The following NOTCH1 variants were observed in gnomAD, a reference collection of about 807,000 sequenced individuals.
NOTCH1 encodes the protein notch receptor 1.
NOTCH1 carries 37 observed loss-of-function variants against 254.8 expected under a neutral mutation model. That is an observed-to-expected ratio of 0.15 (90% CI 0.11 to 0.19). The LOEUF is 0.19. NOTCH1 is among the 10% of genes least tolerant of loss of function. The pLI, the probability that NOTCH1 is intolerant of heterozygous loss-of-function variation, is 1.00. For missense variants in NOTCH1, 2,972 were observed against 3,708.6 expected (o/e 0.80, Z 5.16); for synonymous variants, 1,731 against 1,618.1 (o/e 1.07, Z -1.68).
intron 4 of NOTCH1, 100 bp from the exon 5 acceptor site, chr9:136,519,665 A>T (rs1843336077): frequency 6.3e-7 from 1 of 1,584,972 alleles, no homozygotes; most frequent in Non-Finnish European, 8.6e-7. Flanking sequence ...CCTGGCCTCC[A>T]CGGCCCTGCC....
rs777859108 is a variant in NOTCH1, at chr9:136,502,384, G to A, written c.5272C>T (p.Arg1758Cys). 6.2e-6 allele frequency: 10 copies of A among 1,612,224 alleles called. No homozygotes were observed. Among genetic ancestry groups the A allele is most frequent in the South Asian group, 1.1e-5 (1 of 91,066 alleles). Residue 1758 changes from arginine to cysteine, a missense_variant, in exon 28 of 34, where the codon CGC becomes TGC. Around this residue, in one of 8 missense-constraint regions of NOTCH1, gnomAD observed 421 missense variants for 604.4 expected, o/e 0.70. Transcript: ENST00000651671. ...FFVGCGVLLSRKRRRQHGQLW... is the reference protein window; with the variant it reads ...FFVGCGVLLSCKRRRQHGQLW... Reference sequence around the variant, plus strand: ...TGGCCATGCTGCCGCCGGCGCTTGCGGGACAGCAGCACCCCGCAGCCCACG... The same window carrying A: ...TGGCCATGCTGCCGCCGGCGCTTGCAGGACAGCAGCACCCCGCAGCCCACG...
At chr9:136,507,567 C>G (rs776722939) in intron 21 of NOTCH1, 130 bp from the exon 22 acceptor site, 2 of 1,316,450 alleles carry the variant, frequency 1.5e-6, no homozygotes, top group Non-Finnish European at 1.1e-6. Flanking sequence ...ACGGGCCCCT[C>G]GCTCCTGTCA....
rs928692454 is a variant in NOTCH1 at position 136,509,156 on chromosome 9, C to T, written c.2970-85G>A. ...CAGATTCTGCCTCGCCAGCACCTCC[C>T]CTTCTGCTCAACCCTAGGGGCCTGA... On this transcript the variant is annotated intron_variant, in intron 18 of 33. Coordinates refer to ENST00000651671, the MANE Select transcript of NOTCH1 (RefSeq NM_017617.5). 2.0e-5 allele frequency: 26 copies of T among 1,317,518 alleles called. No individual in the cohort carries two copies. In the Admixed American group the frequency reaches 3.6e-4, roughly 18 times the overall value. The allele number at this position is 1,317,518 out of a possible 1,614,324, so 81.6% of individuals were successfully genotyped here. A position where few individuals can be genotyped will look rare whatever the true frequency, so the allele number is the denominator to read the frequency against.
rs760908627 is a variant in NOTCH1, at chr9:136,508,980, C to T, written c.3061G>A (p.Asp1021Asn). The change falls in exon 19 of 34, where the codon GAT (aspartate) becomes AAT (asparagine). Residue 1021 changes from aspartate to asparagine, a missense_variant. Coordinates refer to ENST00000651671, the MANE Select transcript of NOTCH1 (RefSeq NM_017617.5). ...PGFTGSYCQH[D>N]VNECDSQPCL... ...GGCTGTGAGTCGCACTCATTGACAT[C>T]GTGCTGGCAGTAGCTGCCCGTGAAG... 2.5e-5 allele frequency: 39 copies of T among 1,557,614 alleles called. No individual in the cohort carries two copies. The highest frequency in any genetic ancestry group is 1.9e-4 in the Middle Eastern group (1 of 5,158).
At chr9:136,532,253 T>C (rs1843573621) in intron 2 of NOTCH1, among the ~76,000 whole-genome samples, 2 of 152,104 alleles carry the variant, frequency 1.3e-5, no homozygotes, top group Non-Finnish European at 2.9e-5. Context: ...GTGGGGAAAG[T>C]TGGGGATTCT....
Position 136,516,112 on chromosome 9 carries a change from A to T in NOTCH1, c.1556-18T>A. On this transcript the variant is annotated intron_variant, in intron 9 of 33. Coordinates refer to ENST00000651671, the MANE Select transcript of NOTCH1 (RefSeq NM_017617.5). ...AGTGAAGCCTGGGGCCGGGGAGGGG[A>T]GGGGAGGGAGTCATGTGCAACAGCA... 81 of 1,516,940 alleles carry T rather than the reference A, an allele frequency of 5.3e-5. No individual in the cohort carries two copies. Among genetic ancestry groups the T allele is most frequent in the Non-Finnish European group, 7.0e-5 (77 of 1,097,782 alleles). The allele number at this position is 1,516,940 out of a possible 1,614,324, so 94.0% of individuals were successfully genotyped here.
intron 22 of NOTCH1, 150 bp downstream of exon 22, chr9:136,507,155 T>G (rs1230291422): frequency 5.4e-6 from 8 of 1,484,540 alleles, no homozygotes; most frequent in Non-Finnish European, 6.5e-6. Flanking sequence ...GCCCTTTCCC[T>G]GGGCAGCTGT....
intron 8 of NOTCH1, 127 bp downstream of exon 8, chr9:136,517,625 C>T: frequency 1.6e-6 from 2 of 1,216,850 alleles, no homozygotes; most frequent in Non-Finnish European, 2.3e-6. Context: ...ATGCCCTGTG[C>T]AGGCTGTGGG....
Position 136,501,736 on chromosome 9 carries a change from T to G in NOTCH1, c.5638+12A>C. 1 of 1,610,360 alleles carries G rather than the reference T, an allele frequency of 6.2e-7. No individual in the cohort carries two copies. Among genetic ancestry groups the G allele is most frequent in the South Asian group, 1.1e-5 (1 of 91,012 alleles). On this transcript the variant is annotated intron_variant, in intron 30 of 33. Coordinates refer to ENST00000651671, the MANE Select transcript of NOTCH1 (RefSeq NM_017617.5). ...ACGGGGCTAGGGAAGCCCTGGCTGCTGGCACCCTTACCAGGCCCGCGGACA... is the reference window on the plus strand; with the variant it reads ...ACGGGGCTAGGGAAGCCCTGGCTGCGGGCACCCTTACCAGGCCCGCGGACA...
chr9:136,508,240 T>A lies in NOTCH1; in HGVS notation c.3317A>T (p.Gln1106Leu). Residue 1106 changes from glutamine to leucine, a missense_variant, in exon 20 of 34, where the codon CAG becomes CTG. By Grantham distance (113) the Gln-to-Leu change is moderately radical. Transcript: ENST00000651671. ...VPSVSCEVAA[Q>L]RQGVDVARLC... ...TGGGCACAGCAGGTTACCTTGTCGC[T>A]GCGCAGCCACCTCACAGGACACGCT... The A allele has an allele frequency of 3.7e-6, 6 of 1,611,648 alleles. No individual in the cohort carries two copies. Among genetic ancestry groups the A allele is most frequent in the Non-Finnish European group, 5.1e-6 (6 of 1,179,394 alleles).
rs771142030 is a variant in NOTCH1, at chr9:136,496,791, G to T, written c.6948C>A (p.Ser2316Arg). ...GGTTGTATTGGTTCGGCACCATGCC[G>T]CTCTGCAGCCGGGACAGCCACTCGC... ...GQCEWLSRLQSGMVPNQYNPL... is the reference protein window; with the variant it reads ...GQCEWLSRLQRGMVPNQYNPL... The change falls in exon 34 of 34, where the codon AGC (serine) becomes AGA (arginine). Residue 2316 changes from serine (S) to arginine (R), a missense_variant. Around this residue, in one of 8 missense-constraint regions of NOTCH1, gnomAD observed 529 missense variants for 529.2 expected, o/e 1.00. Coordinates refer to ENST00000651671, the MANE Select transcript of NOTCH1 (RefSeq NM_017617.5). The T allele has an allele frequency of 6.2e-7, 1 of 1,612,882 alleles. No individual in the cohort carries two copies. Among genetic ancestry groups the T allele is most frequent in the Non-Finnish European group, 8.5e-7 (1 of 1,180,000 alleles).
Position 136,515,676 on chromosome 9 carries a change from G to A in NOTCH1, c.1710C>T (p.Cys570=), listed in dbSNP as rs762590262. 1.9e-5 allele frequency: 30 copies of A among 1,560,596 alleles called. No homozygotes were observed. The Admixed American group carries it at 2.1e-4, about 11-fold the overall frequency. The part of the protein sequence containing the change: ...GTHCEVDIDE[C]DPDPCHYGSC... The stretch of plus-strand genomic sequence containing the variant: ...AGCCGTAGTGGCAGGGGTCGGGGTC[G>A]CACTCATCGATGTCCACCTCGCAGT... The change falls in exon 11 of 34, where the codon TGC becomes TGT. Residue 570 remains cysteine, a synonymous_variant. Coordinates refer to ENST00000651671, the MANE Select transcript of NOTCH1 (RefSeq NM_017617.5).
At position 136,544,208 on chromosome 9, in the gene NOTCH1, C is replaced by T. The variant is rs910958658; in HGVS notation, c.62-106G>A. ...CCTGCACCCAGCCAAGGGGCATCGT[C>T]CGCCCCCTACCCCGGACGCACTCTG... On this transcript the variant is annotated intron_variant, in intron 1 of 33. Transcript: ENST00000651671. 20 of 1,035,780 alleles carry T rather than the reference C, an allele frequency of 1.9e-5. No individual in the cohort carries two copies. The Admixed American group carries it at 3.4e-4, about 17-fold the overall frequency. The allele number at this position is 1,035,780 out of a possible 1,614,324, so 64.2% of individuals were successfully genotyped here. A position where few individuals can be genotyped will look rare whatever the true frequency, so the allele number is the denominator to read the frequency against.
At position 136,512,642 on chromosome 9, in the gene NOTCH1, G is replaced by A. The variant is rs891146579; in HGVS notation, c.2467+379C>T. ...CCAGCAGGGTGGGCGCCGGGAGCACGGAGCCCAGTGACCCAGGCCCGGCCC... is the reference window on the plus strand; with the variant it reads ...CCAGCAGGGTGGGCGCCGGGAGCACAGAGCCCAGTGACCCAGGCCCGGCCC... On this transcript the variant is annotated intron_variant, in intron 15 of 33. Coordinates refer to ENST00000651671, the MANE Select transcript of NOTCH1 (RefSeq NM_017617.5). Among the ~76,000 whole-genome samples the A allele has an allele frequency of 5.3e-5, 8 of 152,292 alleles. No individual in the cohort carries two copies. In the South Asian group the frequency reaches 1.0e-3, roughly 20 times the overall value.
At chr9:136,502,131 T>C (rs1277022314) in intron 28 of NOTCH1, 43 bp from the exon 29 acceptor site, 24 of 1,608,948 alleles carry the variant, frequency 1.5e-5, no homozygotes, top group Non-Finnish European at 2.0e-5. Flanking sequence ...GCGAGCTCCC[T>C]AGGAAGCCCC....
At chr9:136,504,532 C>G (rs1221961023) in intron 26 of NOTCH1, 141 bp downstream of exon 26, 1 of 946,608 alleles carries the variant, frequency 1.1e-6, no homozygotes, top group Admixed American at 2.9e-5. Flanking sequence ...AGTCCCAGGT[C>G]CTCTCGGAAC....
intron 2 of NOTCH1, among the ~76,000 whole-genome samples, chr9:136,541,243 A>T (rs1843728262): frequency 6.6e-6 from 1 of 152,040 alleles, no homozygotes. Context: ...ACCTCCTGGG[A>T]AGGCATTTTG....
chr9:136,512,066 CAG>C (rs1468476309), intron 15 of NOTCH1, among the ~76,000 whole-genome samples: 1 of 152,230 alleles, frequency 6.6e-6, no homozygotes, highest in Non-Finnish European at 1.5e-5. Flanking sequence ...GGAACTGCGC[CAG>C]AGTTTCCGAC....
rs868495587 is a variant in NOTCH1 at position 136,508,993 on chromosome 9, G to T, written c.3048C>A (p.Ser1016Arg). 6.4e-7 allele frequency: 1 copy of T among 1,560,298 alleles called. No individual in the cohort carries two copies. The highest frequency in any genetic ancestry group is 8.7e-7 in the Non-Finnish European group (1 of 1,152,984). The change falls in exon 19 of 34, where the codon AGC becomes AGA. Residue 1016 changes from serine to arginine, a missense_variant. Physicochemically the swap from Ser to Arg is moderately radical, Grantham distance 110. Around this residue, in one of 8 missense-constraint regions of NOTCH1, gnomAD observed 1,343 missense variants for 1,557.0 expected, o/e 0.86. Coordinates refer to ENST00000651671, the MANE Select transcript of NOTCH1 (RefSeq NM_017617.5). ...TCLCPPGFTG[S>R]YCQHDVNECD... ...ACTCATTGACATCGTGCTGGCAGTAGCTGCCCGTGAAGCCGGGTGGACACA... is the reference window on the plus strand; with the variant it reads ...ACTCATTGACATCGTGCTGGCAGTATCTGCCCGTGAAGCCGGGTGGACACA...
Sources: allele counts gnomAD v4.1 joint callset (sites outside exome capture counted in the v4.1 genomes callset), GRCh38; gene constraint gnomAD v4.1.1; regional missense constraint gnomAD v4.1.1; transcripts MANE v1.5; gene names NCBI Gene and HGNC (gene_info 2026-07-23, HGNC 2026-07-21).